Variants in RPP40 observed in about 807,000 individuals in gnomAD.
RPP40 encodes ribonuclease P/MRP subunit p40.
A neutral mutation model predicts 42.5 loss-of-function variants in RPP40; 30 were observed. The observed-to-expected ratio is 0.71, with a 90% confidence interval of 0.53 to 0.96. RPP40 has a LOEUF of 0.96. Among genes scored for constraint, RPP40 ranks in the 40% least tolerant of loss-of-function variants. The pLI is 0.00. For missense variants in RPP40, 426 were observed against 433.5 expected (o/e 0.98, Z 0.15); for synonymous variants, 173 against 164.0 (o/e 1.05, Z -0.42).
chr6:4,989,536 A>G, the RPP40 span, among the ~76,000 whole-genome samples: 1 of 152,204 alleles, frequency 6.6e-6, no homozygotes, highest in Non-Finnish European at 1.5e-5. Flanking sequence ...GGAATATGAC[A>G]TGACATCTTC....
intron 5 of RPP40, 109 bp downstream of exon 5, chr6:4,998,607 G>C (rs1398779713): frequency 2.8e-6 from 2 of 725,772 alleles, no homozygotes; most frequent in African/African-American, 3.8e-5. Flanking sequence ...TATACGTATA[G>C]AATATTCCTT....
intron 2 of RPP40, 85 bp downstream of exon 2, chr6:5,002,016 C>A (rs1759575073): frequency 1.6e-6 from 2 of 1,269,872 alleles, no homozygotes; most frequent in South Asian, 2.9e-5. Context: ...CTGTTTGAAA[C>A]AAAACAACAG....
chr6:4,997,623 A>G (rs1342861063), intron 5 of RPP40, among the ~76,000 whole-genome samples: 2 of 152,150 alleles, frequency 1.3e-5, no homozygotes, highest in African/African-American at 4.8e-5. Flanking sequence ...CTGCATGATC[A>G]ATTTCCCTAA....
chr6:4,996,412 C>T lies in RPP40; in HGVS notation c.568G>A (p.Glu190Lys). ...GAAAAATATGACATCATTGTCGATT[C>T]TTCTGAACCTTAAAAACACACCACA... ...LLAWHKTGSE[E>K]STMMSYFSKY... Residue 190 changes from glutamate to lysine, a missense_variant, in exon 6 of 8, where the codon GAA becomes AAA. Coordinates refer to ENST00000380051, the MANE Select transcript of RPP40 (RefSeq NM_006638.4). 1.9e-6 allele frequency: 3 copies of T among 1,612,744 alleles called. No homozygotes were observed. Among genetic ancestry groups the T allele is most frequent in the Non-Finnish European group, 1.7e-6 (2 of 1,180,036 alleles).
At chr6:4,990,987 G>A (rs1364937154), downstream of RPP40, among the ~76,000 whole-genome samples, 1 of 152,012 alleles carries the variant, frequency 6.6e-6, no homozygotes, top group Non-Finnish European at 1.5e-5. Context: ...GCTCTTCAGT[G>A]ATGCCACCTC....
At chr6:4,999,014 G>A (rs1027538595) in intron 4 of RPP40, among the ~76,000 whole-genome samples, 173 bp from the exon 5 acceptor site, 16 of 152,084 alleles carry the variant, frequency 1.1e-4, no homozygotes, top group Non-Finnish European at 2.1e-4. Context: ...TCCCTTTGGT[G>A]GGCACTTCTA....
At chr6:4,990,448 G>A (rs1357841011), downstream of RPP40, among the ~76,000 whole-genome samples, 1 of 152,102 alleles carries the variant, frequency 6.6e-6, no homozygotes, top group East Asian at 1.9e-4. Flanking sequence ...TCTGGCCTCA[G>A]ATAATGAGGT....
At position 4,998,745 on chromosome 6, in the gene RPP40, A is replaced by G; in HGVS notation, c.530T>C (p.Phe177Ser). The G allele has an allele frequency of 6.4e-7, 1 of 1,559,504 alleles. No individual in the cohort carries two copies. The highest frequency in any genetic ancestry group is 1.2e-5 in the South Asian group (1 of 84,756). The change falls in exon 5 of 8, where the codon TTT (phenylalanine) becomes TCT (serine). Residue 177 changes from phenylalanine (F) to serine (S), a missense_variant. By Grantham distance (155) the Phe-to-Ser change is radical. Transcript: ENST00000380051. ...WSFKEKKPLK[F>S]DFLLAWHKTG... ...TTTATGCCAAGCCAAAAGAAAATCA[A>G]ATTTCAATGGCTTCTTTTCTTTGAA...
chr6:5,003,648 G>T (rs1759654849), intron 1 of RPP40: 1 of 481,450 alleles, frequency 2.1e-6, no homozygotes, highest in Non-Finnish European at 3.6e-6. Context: ...GCTCCCTCCA[G>T]ACTGGGTACC....
chr6:5,003,824 T>G, intron 1 of RPP40, 56 bp downstream of exon 1: 1 of 1,568,232 alleles, frequency 6.4e-7, no homozygotes, highest in Non-Finnish European at 8.7e-7. Flanking sequence ...TCCCCAAACC[T>G]CTCTCGCACG....
Position 4,996,344 on chromosome 6 carries a change from G to T in RPP40, c.636C>A (p.Ser212Arg), listed in dbSNP as rs771548860. 2.4e-5 allele frequency: 38 copies of T among 1,613,960 alleles called. No homozygotes were observed. The Admixed American group carries it at 6.2e-4, about 26-fold the overall frequency. The change falls in exon 6 of 8, where the codon AGC (serine) becomes AGA (arginine). Residue 212 changes from serine (S) to arginine (R), a missense_variant. Coordinates refer to ENST00000380051, the MANE Select transcript of RPP40 (RefSeq NM_006638.4). ...IQEHQPKVAL[S>R]TLRDLQCPVL... ...CTGGGCACTGGAGATCTCTCAACGT[G>T]CTCAGTGCTACTTTTGGCTGATGCT...
intron 2 of RPP40, chr6:5,001,253 T>C: frequency 4.8e-6 from 2 of 414,972 alleles, no homozygotes; most frequent in South Asian, 1.7e-5. Context: ...CATAAAGTTG[T>C]TGCAAGGGTT....
intron 4 of RPP40, among the ~76,000 whole-genome samples, chr6:4,999,449 C>T (rs935565222): frequency 5.3e-5 from 8 of 152,046 alleles, no homozygotes; most frequent in East Asian, 1.9e-4. Flanking sequence ...CAGGCATGCG[C>T]CACCACGCCC....
downstream of RPP40, among the ~76,000 whole-genome samples, chr6:4,992,183 A>AAAAT (rs141341604): frequency 0.3 from 44,947 of 151,428 alleles, 7,199 homozygotes; most frequent in African/African-American, 0.43. Flanking sequence ...TAAAAAAAGA[A>AAAAT]AAACAAACAA....
At chr6:5,000,500 T>A in intron 3 of RPP40, 63 bp downstream of exon 3, 1 of 1,012,944 alleles carries the variant, frequency 9.9e-7, no homozygotes. Flanking sequence ...CTTTTTTTTT[T>A]TTTTTTTTAC....
chr6:5,003,205 G>A (rs1759620873), intron 1 of RPP40, among the ~76,000 whole-genome samples: 1 of 151,896 alleles, frequency 6.6e-6, no homozygotes, highest in Non-Finnish European at 1.5e-5. Context: ...AAATTAGCCG[G>A]GCGTGGTGGC....
downstream of RPP40, among the ~76,000 whole-genome samples, chr6:4,992,430 T>A (rs1311140691): frequency 6.6e-6 from 1 of 151,870 alleles, no homozygotes; most frequent in Non-Finnish European, 1.5e-5. Context: ...CTTTTCTTTA[T>A]AAGCTACCCA....
At chr6:4,996,465 C>T (rs746256270) in intron 5 of RPP40, 45 bp from the exon 6 acceptor site, 30 of 1,592,288 alleles carry the variant, frequency 1.9e-5, no homozygotes, top group Non-Finnish European at 2.3e-5. Flanking sequence ...ATCTGACCAT[C>T]GTAAGCAAGT....
rs781400450 is a variant in RPP40 at position 4,998,888 on chromosome 6, G to C, written c.434-47C>G. ...CATATATTTCATTCATATACGTACA[G>C]CTTCTACCATGGAAAAAGTGTTACA... is the stretch of plus-strand genomic sequence containing the variant. On this transcript the variant is annotated intron_variant, in intron 4 of 7. Transcript: ENST00000380051. 2.6e-6 allele frequency: 3 copies of C among 1,170,596 alleles called. No homozygotes were observed. The African/African-American group carries it at 4.9e-5, about 19-fold the overall frequency. 72.5% of individuals were successfully genotyped at this position (1,170,596 alleles called of 1,614,324 possible). A position where few individuals can be genotyped will look rare whatever the true frequency, so the allele number is the denominator to read the frequency against.
Sources: allele counts gnomAD v4.1 joint callset (sites outside exome capture counted in the v4.1 genomes callset), GRCh38; gene constraint gnomAD v4.1.1; transcripts MANE v1.5; gene names NCBI Gene and HGNC (gene_info 2026-07-23, HGNC 2026-07-21).